SEC61A2: variants seen among roughly 807,000 people sequenced by gnomAD.
The protein encoded by SEC61A2 is protein transport protein Sec61 subunit alpha isoform 2.
Under a neutral mutation model 59.9 loss-of-function variants are expected in SEC61A2, and 28 were observed. That is an observed-to-expected ratio of 0.47 (90% confidence interval 0.35 to 0.64). The LOEUF (loss-of-function observed/expected upper bound fraction) is 0.64, where lower values mean the gene tolerates loss of function less well. Among genes scored for constraint, SEC61A2 ranks in the 30% least tolerant of loss-of-function variants. SEC61A2 has a pLI of 0.01. For missense variants in SEC61A2, 340 were observed against 585.9 expected (o/e 0.58, Z 4.33); for synonymous variants, 202 against 214.4 (o/e 0.94, Z 0.50).
chr10:12,169,857 C>G (rs1834813766), downstream of SEC61A2: 2 of 369,738 alleles, frequency 5.4e-6, no homozygotes, highest in Non-Finnish European at 9.6e-6. This position sits in a 1 kb window ranked among gnomAD's most constrained non-coding sequence, Gnocchi z 4.8. Flanking sequence ...TCAGGCCAAA[C>G]AATGCTTCAA....
chr10:12,132,352 G>T (rs1172303380), intron 1 of SEC61A2, among the ~76,000 whole-genome samples: 1 of 151,980 alleles, frequency 6.6e-6, no homozygotes, highest in Non-Finnish European at 1.5e-5. Context: ...CATGGTTCAT[G>T]CCTGTAATCC....
Position 12,157,803 on chromosome 10 carries a change from C to A in SEC61A2, c.778-105C>A, listed in dbSNP as rs1834438869. The A allele has an allele frequency of 3.7e-6, 4 of 1,070,294 alleles. No homozygotes were observed. In the South Asian group the frequency reaches 5.8e-5, roughly 16 times the overall value. The allele number at this position is 1,070,294 out of a possible 1,614,324, so 66.3% of individuals were successfully genotyped here. A position where few individuals can be genotyped will look rare whatever the true frequency, so the allele number is the denominator to read the frequency against. On this transcript the variant is annotated intron_variant, in intron 8 of 11. Coordinates refer to ENST00000298428, the MANE Select transcript of SEC61A2 (RefSeq NM_018144.4). ...GGCCTGAGCCCCTGTGCCCGGCCGG[C>A]ATTGTCTTTTCATCCCCCGCACTGT...
intron 4 of SEC61A2, among the ~76,000 whole-genome samples, chr10:12,146,655 C>T (rs1219813399): frequency 6.6e-6 from 1 of 151,800 alleles, no homozygotes; most frequent in African/African-American, 2.4e-5. Context: ...GTAGCTGGGA[C>T]TACAGGTGCC....
chr10:12,135,953 T>C, intron 2 of SEC61A2, 152 bp from the exon 3 acceptor site: 1 of 617,946 alleles, frequency 1.6e-6, no homozygotes. Context: ...ACTTTGTACC[T>C]AATAAACAAA....
intron 4 of SEC61A2, among the ~76,000 whole-genome samples, chr10:12,148,262 TA>T (rs1564411636): frequency 1.7e-5 from 2 of 116,972 alleles, no homozygotes; most frequent in South Asian, 3.0e-4. Flanking sequence ...TTTTTTTTTT[TA>T]AGACAGAATT....
intron 2 of SEC61A2, among the ~76,000 whole-genome samples, chr10:12,134,631 T>C (rs931570883): frequency 1.3e-5 from 2 of 152,088 alleles, no homozygotes; most frequent in Non-Finnish European, 2.9e-5. Context: ...AAAGGGACAT[T>C]AGAAAACAAT....
chr10:12,135,866 G>A (rs1186571119), intron 2 of SEC61A2, among the ~76,000 whole-genome samples: 1 of 152,126 alleles, frequency 6.6e-6, no homozygotes, highest in Non-Finnish European at 1.5e-5. Context: ...CAGTCATCAA[G>A]AAGCATCTGT....
Position 12,149,740 on chromosome 10 carries a change from C to G in SEC61A2, c.352+14C>G. 4 of 1,607,834 alleles carry G rather than the reference C, an allele frequency of 2.5e-6. No individual in the cohort carries two copies. The highest frequency in any genetic ancestry group is 3.4e-6 in the Non-Finnish European group (4 of 1,177,582). On this transcript the variant is annotated intron_variant, in intron 5 of 11. Coordinates refer to ENST00000298428, the MANE Select transcript of SEC61A2 (RefSeq NM_018144.4). The surrounding 1 kb of genome is among the most constrained non-coding windows in gnomAD (Gnocchi z 5.2). ...GAGCCCAGAAACGTGAGCATTAATG[C>G]AATTAAAGAGCATTCTCCAAATTTG...
downstream of SEC61A2, among the ~76,000 whole-genome samples, chr10:12,168,366 T>G (rs1834762658): frequency 6.6e-6 from 1 of 152,182 alleles, no homozygotes; most frequent in Non-Finnish European, 1.5e-5. The surrounding 1 kb of genome is among the most constrained non-coding windows in gnomAD (Gnocchi z 4.8). Flanking sequence ...TGGAAGTGTA[T>G]AGAGCCAATC....
rs374643912 is a variant in SEC61A2 at position 12,158,063 on chromosome 10, A to G, written c.933A>G (p.Arg311=). The G allele has an allele frequency of 7.4e-6, 12 of 1,613,998 alleles. No homozygotes were observed. The South Asian group carries it at 9.9e-5, about 13-fold the overall frequency. ...LYVISQMLSV[R]FSGNFLVNLL... is the part of the protein sequence containing the mutation. ...TTATTTCCCAGATGCTGTCTGTTCG[A>G]TTTAGTGGCAACTTTTTAGTAAATT... is the stretch of plus-strand genomic sequence containing the variant. The change falls in exon 9 of 12, where the codon CGA becomes CGG. Residue 311 remains arginine (R), a synonymous_variant. Transcript: ENST00000298428. The surrounding 1 kb of genome is among the most constrained non-coding windows in gnomAD (Gnocchi z 5.7).
intron 1 of SEC61A2, among the ~76,000 whole-genome samples, chr10:12,132,327 A>G (rs772836677): frequency 4.2e-4 from 63 of 151,410 alleles, no homozygotes; most frequent in Admixed American, 1.4e-3. Flanking sequence ...CCAGTTAACT[A>G]TAGGGGCCAG....
chr10:12,157,085 A>T lies in SEC61A2; in HGVS notation c.777+18A>T. The stretch of plus-strand genomic sequence containing the variant: ...ATTTCCAAGTAAGTATAACCTTTTC[A>T]CCAAAGTAAGTGGGATGTAGATTTT... On this transcript the variant is annotated intron_variant, in intron 8 of 11. Transcript: ENST00000298428. 1 of 1,606,770 alleles carries T rather than the reference A, an allele frequency of 6.2e-7. No homozygotes were observed. Among genetic ancestry groups the T allele is most frequent in the Non-Finnish European group, 8.5e-7 (1 of 1,176,248 alleles).
At chr10:12,167,534 C>G, downstream of SEC61A2, 1 of 600,354 alleles carries the variant, frequency 1.7e-6, no homozygotes, top group Non-Finnish European at 2.8e-6. Context: ...AAAGGAAGGT[C>G]ACAACCTACC....
At position 12,155,304 on chromosome 10, in the gene SEC61A2, T is replaced by A; in HGVS notation, c.463-474T>A. ...TATATATAATATATATAATGCTTTT[T>A]TCAAAGGATCAACACAGCCCTTAGA... is the stretch of plus-strand genomic sequence containing the variant. On this transcript the variant is annotated intron_variant, in intron 6 of 11. Transcript: ENST00000298428. This position sits in a 1 kb window ranked among gnomAD's most constrained non-coding sequence, Gnocchi z 4.3. The A allele has an allele frequency of 6.5e-7, 1 of 1,538,606 alleles. No individual in the cohort carries two copies.
At chr10:12,148,113 G>C (rs1417730239) in intron 4 of SEC61A2, among the ~76,000 whole-genome samples, 1 of 150,996 alleles carries the variant, frequency 6.6e-6, no homozygotes, top group South Asian at 2.1e-4. Context: ...GCTAATTTTT[G>C]TATTTTTAGT....
rs1834225012 is a variant in SEC61A2 at position 12,149,387 on chromosome 10, C to G, written c.221-208C>G. ...TGCAGGCGTGAGCCACTGTGCCAAG[C>G]CTATAGTACTTTTTATTCAGGGCAT... is the stretch of plus-strand genomic sequence containing the variant. On this transcript the variant is annotated intron_variant, in intron 4 of 11. Transcript: ENST00000298428. This position sits in a 1 kb window ranked among gnomAD's most constrained non-coding sequence, Gnocchi z 5.2. Among the ~76,000 whole-genome samples, 1 of 152,148 alleles carries G rather than the reference C, an allele frequency of 6.6e-6. No individual in the cohort carries two copies.
rs1359133962 is a variant in SEC61A2 at position 12,158,864 on chromosome 10, T to C, written c.975+759T>C. The stretch of plus-strand genomic sequence containing the variant: ...ATGGTCTGAATGGCAATAAGCCAGC[T>C]TGTGATGAGCTGGGCTAGAGATAGG... On this transcript the variant is annotated intron_variant, in intron 9 of 11. Transcript: ENST00000298428. The surrounding 1 kb of genome is among the most constrained non-coding windows in gnomAD (Gnocchi z 5.7). Among the ~76,000 whole-genome samples the C allele has an allele frequency of 1.3e-5, 2 of 152,246 alleles. No homozygotes were observed. Among genetic ancestry groups the C allele is most frequent in the Non-Finnish European group, 2.9e-5 (2 of 68,034 alleles).
chr10:12,154,969 G>A lies in SEC61A2; in HGVS notation c.463-809G>A, dbSNP rs1034988421. Among the ~76,000 whole-genome samples the A allele has an allele frequency of 7.9e-5, 12 of 152,268 alleles. No homozygotes were observed. The highest frequency in any genetic ancestry group is 2.4e-4 in the African/African-American group (10 of 41,564). ...TTCCTGTCTTGATTAGGTTATTTGA[G>A]TGCAGGGAAGGGGTCATATGACTGA... On this transcript the variant is annotated intron_variant, in intron 6 of 11. Coordinates refer to ENST00000298428, the MANE Select transcript of SEC61A2 (RefSeq NM_018144.4). This position sits in a 1 kb window ranked among gnomAD's most constrained non-coding sequence, Gnocchi z 5.2.
rs1216124470 is a variant in SEC61A2 at position 12,164,036 on chromosome 10, T to G, written c.1245-232T>G. Among the ~76,000 whole-genome samples the G allele has an allele frequency of 6.6e-6, 1 of 152,234 alleles. No individual in the cohort carries two copies. Among genetic ancestry groups the G allele is most frequent in the Non-Finnish European group, 1.5e-5 (1 of 68,032 alleles). ...TGTCCTGTAAGATTACATATTGTCT[T>G]TCTTGGCTGTTGACTGGTTCCTGGA... On this transcript the variant is annotated intron_variant, in intron 11 of 11. Coordinates refer to ENST00000298428, the MANE Select transcript of SEC61A2 (RefSeq NM_018144.4). The surrounding 1 kb of genome is among the most constrained non-coding windows in gnomAD (Gnocchi z 7.3).
Sources: gnomAD v4.1 joint callset for allele counts (sites outside exome capture counted in the v4.1 genomes callset) on GRCh38, gnomAD v4.1.1 for gene constraint, Gnocchi (gnomAD v3.1) non-coding constraint, MANE v1.5 for transcripts, NCBI Gene and HGNC (gene_info 2026-07-23, HGNC 2026-07-21) for gene names.